The following NSMCE2 variants were observed in gnomAD, a reference collection of about 807,000 sequenced individuals.
The protein encoded by NSMCE2 is NSE2 SUMO ligase component of SMC5/6 complex.
Under a neutral mutation model 23.8 loss-of-function variants are expected in NSMCE2, and 24 were observed. The ratio of observed to expected loss-of-function variants is 1.01; its 90% confidence interval spans 0.73 to 1.42. The LOEUF is 1.42. Among genes scored for constraint, NSMCE2 ranks in the 40% most tolerant of loss-of-function variants. The pLI is 0.00. For missense variants in NSMCE2, 284 were observed against 296.5 expected, an observed-to-expected ratio of 0.96 and a Z score of 0.31; for synonymous variants, 92 against 94.1, an observed-to-expected ratio of 0.98 and a Z score of 0.13.
rs530758061 is a variant in NSMCE2, at chr8:125,196,205, T to C, written c.418+13949T>C. On this transcript the variant is annotated intron_variant, in intron 5 of 7. Coordinates refer to ENST00000287437, the MANE Select transcript of NSMCE2 (RefSeq NM_173685.4). ...AGCCCTGGATAACTTTTTTTTTTCT[T>C]TTTTTTTTTTTTTATACTTTAAGTT... 6.9e-3 allele frequency among the ~76,000 whole-genome samples: 1,001 copies of C among 145,914 alleles called. 12 individuals are homozygous for C. The highest frequency in any genetic ancestry group is 0.017 in the Middle Eastern group (5 of 288).
chr8:125,208,794 A>G (rs1008083023), intron 5 of NSMCE2, among the ~76,000 whole-genome samples: 1 of 152,184 alleles, frequency 6.6e-6, no homozygotes, highest in African/African-American at 2.4e-5. Flanking sequence ...ATCCTACTCA[A>G]TTTAGAATTG....
intron 5 of NSMCE2, among the ~76,000 whole-genome samples, chr8:125,224,346 G>T (rs1166131783): frequency 6.6e-5 from 10 of 152,030 alleles, no homozygotes; most frequent in Non-Finnish European, 1.3e-4. Context: ...TATTGCCTGT[G>T]CTGTTGGGGT....
At chr8:125,111,442 C>T (rs1818742407) in intron 3 of NSMCE2, among the ~76,000 whole-genome samples, 2 of 151,994 alleles carry the variant, frequency 1.3e-5, no homozygotes, top group Admixed American at 1.3e-4. Flanking sequence ...CATCCATAAC[C>T]CTATCACCCA....
intron 1 of NSMCE2, among the ~76,000 whole-genome samples, chr8:125,096,825 G>T (rs989347609): frequency 6.6e-6 from 1 of 151,786 alleles, no homozygotes; most frequent in African/African-American, 2.4e-5. Flanking sequence ...TGGCTGGGCT[G>T]GTCTTGAACT....
chr8:125,191,875 A>G (rs1823357371), intron 5 of NSMCE2, among the ~76,000 whole-genome samples: 2 of 152,214 alleles, frequency 1.3e-5, no homozygotes, highest in Non-Finnish European at 2.9e-5. Flanking sequence ...ACTGAACACC[A>G]TATAATAAGA....
intron 5 of NSMCE2, among the ~76,000 whole-genome samples, chr8:125,238,234 G>T (rs59249754): frequency 1.1e-4 from 16 of 152,088 alleles, no homozygotes; most frequent in South Asian, 2.1e-4. Context: ...AGTAGAGCAG[G>T]CAGGGAACGA....
chr8:125,215,652 G>T (rs1325349254), intron 5 of NSMCE2, among the ~76,000 whole-genome samples: 1 of 152,116 alleles, frequency 6.6e-6, no homozygotes, highest in Non-Finnish European at 1.5e-5. Context: ...TTCTTCTAGG[G>T]TTTTTATGGT....
chr8:125,192,592 A>G (rs1246696479), intron 5 of NSMCE2, among the ~76,000 whole-genome samples: 2 of 152,360 alleles, frequency 1.3e-5, no homozygotes, highest in African/African-American at 2.4e-5. Flanking sequence ...GTTGGTGAAC[A>G]ACATTTGAAA....
intron 5 of NSMCE2, among the ~76,000 whole-genome samples, chr8:125,270,010 A>G (rs555000056): frequency 3.3e-5 from 5 of 152,342 alleles, no homozygotes; most frequent in African/African-American, 1.2e-4. Flanking sequence ...TCTCTTTACA[A>G]ATAATGAGAA....
chr8:125,227,801 T>A (rs909182436), intron 5 of NSMCE2, among the ~76,000 whole-genome samples: 2 of 152,152 alleles, frequency 1.3e-5, no homozygotes, highest in Non-Finnish European at 2.9e-5. Context: ...CATAATAACA[T>A]TTTGTGGTTT....
chr8:125,179,926 A>G (rs1822715924), intron 4 of NSMCE2, among the ~76,000 whole-genome samples: 1 of 152,208 alleles, frequency 6.6e-6, no homozygotes, highest in Non-Finnish European at 1.5e-5. Flanking sequence ...CCCAGATTAC[A>G]TAATAATTTC....
intron 3 of NSMCE2, among the ~76,000 whole-genome samples, chr8:125,111,366 T>A (rs1295969592): frequency 6.6e-6 from 1 of 152,158 alleles, no homozygotes; most frequent in Admixed American, 6.5e-5. Flanking sequence ...TGTTCCTGAA[T>A]AAGACATTCT....
chr8:125,251,320 T>TG (rs1036012907), intron 5 of NSMCE2, among the ~76,000 whole-genome samples: 1 of 151,982 alleles, frequency 6.6e-6, no homozygotes, highest in Non-Finnish European at 1.5e-5. Flanking sequence ...ACAAATGAAC[T>TG]GGAAAAAAAA....
At chr8:125,293,738 C>T (rs1828208532) in intron 5 of NSMCE2, among the ~76,000 whole-genome samples, 1 of 152,022 alleles carries the variant, frequency 6.6e-6, no homozygotes, top group Admixed American at 6.5e-5. Flanking sequence ...CTTTGGAGTC[C>T]CAAGTTAGAC....
chr8:125,293,368 A>G (rs1318369095), intron 5 of NSMCE2, among the ~76,000 whole-genome samples: 3 of 152,210 alleles, frequency 2.0e-5, no homozygotes, highest in Non-Finnish European at 4.4e-5. Flanking sequence ...ACATAATTGT[A>G]TTTTTAGATA....
intron 4 of NSMCE2, among the ~76,000 whole-genome samples, chr8:125,167,399 G>T (rs1324284108): frequency 1.3e-5 from 2 of 152,154 alleles, no homozygotes; most frequent in Non-Finnish European, 2.9e-5. Context: ...CGGCATGGTG[G>T]TTTATGCCTG....
intron 5 of NSMCE2, among the ~76,000 whole-genome samples, chr8:125,188,980 A>C (rs770395460): frequency 6.6e-6 from 1 of 152,252 alleles, no homozygotes; most frequent in Admixed American, 6.5e-5. Flanking sequence ...GGTAGTGCCA[A>C]TAGGGAAAAT....
intron 5 of NSMCE2, among the ~76,000 whole-genome samples, chr8:125,327,265 C>CA (rs59574355): frequency 0.05 from 5,938 of 118,126 alleles, 150 homozygotes; most frequent in Non-Finnish European, 0.067. Context: ...GACTCCATCT[C>CA]AAAAAAAAAA....
At chr8:125,128,723 G>T (rs1819623167) in intron 3 of NSMCE2, among the ~76,000 whole-genome samples, 1 of 152,116 alleles carries the variant, frequency 6.6e-6, no homozygotes, top group African/African-American at 2.4e-5. Flanking sequence ...ACATTCCTTG[G>T]CTTCTAGCCA....
Sources: allele counts gnomAD v4.1 joint callset (sites outside exome capture counted in the v4.1 genomes callset), GRCh38; gene constraint gnomAD v4.1.1; transcripts MANE v1.5; gene names NCBI Gene and HGNC (gene_info 2026-07-23, HGNC 2026-07-21).